IGSF3: variants seen among roughly 807,000 people sequenced by gnomAD.
IGSF3 encodes glu-Trp-Ile EWI motif-containing protein 3.
IGSF3 carries 23 observed loss-of-function variants against 114.4 expected under a neutral mutation model. That is an observed-to-expected ratio of 0.20 (90% CI 0.14 to 0.28). The LOEUF is 0.28. Among genes scored for constraint, IGSF3 ranks in the 10% least tolerant of loss-of-function variants. The pLI, the probability that IGSF3 is intolerant of heterozygous loss-of-function variation, is 1.00. For missense variants in IGSF3, 1,172 were observed against 1,591.5 expected, an observed-to-expected ratio of 0.74 and a Z score of 4.48; for synonymous variants, 571 against 645.2, an observed-to-expected ratio of 0.88 and a Z score of 1.74.
Position 116,629,922 on chromosome 1 carries a change from G to T in IGSF3, c.44-13465C>A, listed in dbSNP as rs1475468018. ...TTCATGAGGCATTAACAGAGACTGT[G>T]AGCCCTGATGAAAATCATCCTTTCA... On this transcript the variant is annotated intron_variant, in intron 2 of 10. Transcript: ENST00000369486. This position sits in a 1 kb window ranked among gnomAD's most constrained non-coding sequence, Gnocchi z 4.3. Among the ~76,000 whole-genome samples, 1 of 152,148 alleles carries T rather than the reference G, an allele frequency of 6.6e-6. No individual in the cohort carries two copies. Among genetic ancestry groups the T allele is most frequent in the African/African-American group, 2.4e-5 (1 of 41,422 alleles).
Position 116,600,469 on chromosome 1 carries a change from T to C in IGSF3, c.1625-124A>G. The C allele has an allele frequency of 5.4e-6, 4 of 744,772 alleles. No individual in the cohort carries two copies. Among genetic ancestry groups the C allele is most frequent in the Non-Finnish European group, 8.7e-6 (4 of 459,622 alleles). The allele number at this position is 744,772 out of a possible 1,614,324, so 46.1% of individuals were successfully genotyped here. The stretch of plus-strand genomic sequence containing the variant: ...GGACAGAGGCTCTCGGAGCCCCTTT[T>C]GAGCTCTCAGGCTAGTGTTGCTTTT... On this transcript the variant is annotated intron_variant, in intron 6 of 10. Coordinates refer to ENST00000369486, the MANE Select transcript of IGSF3 (RefSeq NM_001007237.3). This position sits in a 1 kb window ranked among gnomAD's most constrained non-coding sequence, Gnocchi z 5.5.
At position 116,654,318 on chromosome 1, in the gene IGSF3, G is replaced by A. The variant is rs2101074966; in HGVS notation, c.43+11966C>T. On this transcript the variant is annotated intron_variant, in intron 2 of 10. Transcript: ENST00000369486. The surrounding 1 kb of genome is among the most constrained non-coding windows in gnomAD (Gnocchi z 4.4). ...CACCAGGCAGAATTTACAACCGTCT[G>A]GGACCTGCAGTCTCAGAGGGCTCAC... is the stretch of plus-strand genomic sequence containing the variant. Among the ~76,000 whole-genome samples, 1 of 152,314 alleles carries A rather than the reference G, an allele frequency of 6.6e-6. No individual in the cohort carries two copies. Among genetic ancestry groups the A allele is most frequent in the East Asian group, 1.9e-4 (1 of 5,174 alleles).
Position 116,584,986 on chromosome 1 carries a change from A to G in IGSF3, c.2507T>C (p.Leu836Pro), listed in dbSNP as rs1209577500. 1.9e-6 allele frequency: 3 copies of G among 1,590,802 alleles called. No homozygotes were observed. The highest frequency in any genetic ancestry group is 3.4e-5 in the Admixed American group (2 of 59,148). The change falls in exon 9 of 11, where the codon CTG becomes CCG. Residue 836 changes from leucine to proline, a missense_variant. By Grantham distance (98) the Leu-to-Pro change is moderately conservative. Transcript: ENST00000369486. This position sits in a 1 kb window ranked among gnomAD's most constrained non-coding sequence, Gnocchi z 5.8. ...LSVLETRQVQ[L>P]ECVVLNRTSI... ...GGTGCGGTTGAGAACCACACACTCC[A>G]GCTGTACCTGCCGGGTCTCCAGAAC... is the stretch of plus-strand genomic sequence containing the variant.
chr1:116,614,888 T>C lies in IGSF3; in HGVS notation c.422-713A>G, dbSNP rs1452175381. Reference sequence around the variant, plus strand: ...TGCTTGCACCTTTCTGGAGATTAAATAGCACCACCTTTCTGTCTGATGAGA... The same window carrying C: ...TGCTTGCACCTTTCTGGAGATTAAACAGCACCACCTTTCTGTCTGATGAGA... On this transcript the variant is annotated intron_variant, in intron 3 of 10. Coordinates refer to ENST00000369486, the MANE Select transcript of IGSF3 (RefSeq NM_001007237.3). This position sits in a 1 kb window ranked among gnomAD's most constrained non-coding sequence, Gnocchi z 4.5. Among the ~76,000 whole-genome samples the C allele has an allele frequency of 2.6e-5, 4 of 152,150 alleles. No homozygotes were observed. The highest frequency in any genetic ancestry group is 9.7e-5 in the African/African-American group (4 of 41,432).
intron 2 of IGSF3, among the ~76,000 whole-genome samples, chr1:116,652,705 G>T (rs1286311354): frequency 6.6e-5 from 10 of 152,186 alleles, no homozygotes; most frequent in Admixed American, 6.5e-4. Flanking sequence ...AAAAATTTTA[G>T]ATCCTTATCT....
chr1:116,587,311 T>G (rs1291969475), intron 8 of IGSF3, among the ~76,000 whole-genome samples: 1 of 152,164 alleles, frequency 6.6e-6, no homozygotes, highest in African/African-American at 2.4e-5. Context: ...TATATATGAA[T>G]AAGTAAATTA....
Position 116,585,640 on chromosome 1 carries a change from TG to T in IGSF3, c.2441-589del, listed in dbSNP as rs1659810512. 6.6e-6 allele frequency among the ~76,000 whole-genome samples: 1 copy of T among 152,172 alleles called. No homozygotes were observed. The highest frequency in any genetic ancestry group is 1.5e-5 in the Non-Finnish European group (1 of 68,024). On this transcript the variant is annotated intron_variant, in intron 8 of 10. Coordinates refer to ENST00000369486, the MANE Select transcript of IGSF3 (RefSeq NM_001007237.3). The surrounding 1 kb of genome is among the most constrained non-coding windows in gnomAD (Gnocchi z 4.9). Reference sequence around the variant, plus strand: ...GATATGACATCAGTAAAGAAAAGACTGCCAGACAAGGTGGCTCACGCCTGTA... The same window carrying T: ...GATATGACATCAGTAAAGAAAAGACTCCAGACAAGGTGGCTCACGCCTGTA...
In IGSF3 at chr1:116,665,204, A is replaced by G. The variant is rs1649280382; in HGVS notation, c.43+1080T>C. 6.6e-6 allele frequency among the ~76,000 whole-genome samples: 1 copy of G among 152,060 alleles called. No homozygotes were observed. Among genetic ancestry groups the G allele is most frequent in the Non-Finnish European group, 1.5e-5 (1 of 68,000 alleles). ...TCTAAAGTCCATTCTCTTCCCACAC[A>G]CCTGTTACCTACTGCAAGGGTGTAG... On this transcript the variant is annotated intron_variant, in intron 2 of 10. Transcript: ENST00000369486. The surrounding 1 kb of genome is among the most constrained non-coding windows in gnomAD (Gnocchi z 4.0).
rs958710506 is a variant in IGSF3, at chr1:116,644,347, T to C, written c.43+21937A>G. ...TTAAGGAGAGCCCTGAGCAGCAAGC[T>C]CCAGACGGGAGATGCGCCATATAAC... On this transcript the variant is annotated intron_variant, in intron 2 of 10. Coordinates refer to ENST00000369486, the MANE Select transcript of IGSF3 (RefSeq NM_001007237.3). The surrounding 1 kb of genome is among the most constrained non-coding windows in gnomAD (Gnocchi z 5.6). Among the ~76,000 whole-genome samples the C allele has an allele frequency of 6.6e-6, 1 of 152,156 alleles. No individual in the cohort carries two copies. The highest frequency in any genetic ancestry group is 1.5e-5 in the Non-Finnish European group (1 of 68,040).
At chr1:116,623,094 G>A (rs1457586194) in intron 2 of IGSF3, among the ~76,000 whole-genome samples, 1 of 152,254 alleles carries the variant, frequency 6.6e-6, no homozygotes, top group Admixed American at 6.5e-5. Context: ...AACTTCTGGG[G>A]ATTCTTACCT....
intron 1 of IGSF3, among the ~76,000 whole-genome samples, chr1:116,667,164 T>C (rs1649367213): frequency 1.3e-5 from 2 of 152,138 alleles, no homozygotes; most frequent in Non-Finnish European, 2.9e-5. Context: ...CGATTGTTCC[T>C]GAAATACTTC....
In IGSF3 at chr1:116,651,183, G is replaced by A. The variant is rs914533507; in HGVS notation, c.43+15101C>T. ...GCATGATCTCATGAGCTCTGGTCTG[G>A]AAAAGTAAGTCTCCCTACACTAAGA... On this transcript the variant is annotated intron_variant, in intron 2 of 10. Coordinates refer to ENST00000369486, the MANE Select transcript of IGSF3 (RefSeq NM_001007237.3). This position sits in a 1 kb window ranked among gnomAD's most constrained non-coding sequence, Gnocchi z 4.4. 1.3e-5 allele frequency among the ~76,000 whole-genome samples: 2 copies of A among 152,136 alleles called. No individual in the cohort carries two copies. Among genetic ancestry groups the A allele is most frequent in the African/African-American group, 2.4e-5 (1 of 41,428 alleles).
In IGSF3 at chr1:116,629,298, C is replaced by T. The variant is rs1647450009; in HGVS notation, c.44-12841G>A. ...ATTTTCGTAAAGATAAACACCCACA[C>T]ACCTCTATATATGTGTGGAAAAAGG... On this transcript the variant is annotated intron_variant, in intron 2 of 10. Coordinates refer to ENST00000369486, the MANE Select transcript of IGSF3 (RefSeq NM_001007237.3). This position sits in a 1 kb window ranked among gnomAD's most constrained non-coding sequence, Gnocchi z 4.3. Among the ~76,000 whole-genome samples, 1 of 152,206 alleles carries T rather than the reference C, an allele frequency of 6.6e-6. No homozygotes were observed. Among genetic ancestry groups the T allele is most frequent in the Non-Finnish European group, 1.5e-5 (1 of 68,034 alleles).
At chr1:116,666,226 G>A (rs1270994071) in intron 2 of IGSF3, 58 bp downstream of exon 2, 4 of 1,491,318 alleles carry the variant, frequency 2.7e-6, no homozygotes, top group Non-Finnish European at 3.7e-6. Flanking sequence ...AGAAATTACA[G>A]GAACCAAGAG....
intron 9 of IGSF3, among the ~76,000 whole-genome samples, chr1:116,580,838 A>G (rs1217925368): frequency 6.6e-6 from 1 of 152,236 alleles, no homozygotes; most frequent in African/African-American, 2.4e-5. Context: ...ACAGGAGTGA[A>G]GCAGCCACAA....
At chr1:116,621,058 T>C (rs375157211) in intron 2 of IGSF3, among the ~76,000 whole-genome samples, 3 of 152,212 alleles carry the variant, frequency 2.0e-5, no homozygotes, top group Non-Finnish European at 2.9e-5. Context: ...ATGATTTAGC[T>C]TCACCCTTTT....
chr1:116,584,795 C>T lies in IGSF3; in HGVS notation c.2698G>A (p.Val900Met), dbSNP rs41301291. ...RLHLESPSPGVYRLFIQNVAV... is the reference protein window; with the variant it reads ...RLHLESPSPGMYRLFIQNVAV... ...ACGTTCTGGATGAAGAGACGGTACACGCCGGGGGAAGGACTCTCCAAATGC... is the reference window on the plus strand; with the variant it reads ...ACGTTCTGGATGAAGAGACGGTACATGCCGGGGGAAGGACTCTCCAAATGC... The change falls in exon 9 of 11, where the codon GTG becomes ATG. Residue 900 changes from valine (V) to methionine (M), a missense_variant. Around this residue, in one of 3 missense-constraint regions of IGSF3, gnomAD observed 423 missense variants for 509.8 expected, o/e 0.83. Transcript: ENST00000369486. The surrounding 1 kb of genome is among the most constrained non-coding windows in gnomAD (Gnocchi z 5.8). The T allele has an allele frequency of 0.015, 24,836 of 1,614,228 alleles. 267 individuals are homozygous for T. Among genetic ancestry groups the T allele is most frequent in the Middle Eastern group, 0.05 (304 of 6,050 alleles).
At position 116,632,482 on chromosome 1, in the gene IGSF3, C is replaced by T. The variant is rs1218318415; in HGVS notation, c.44-16025G>A. The stretch of plus-strand genomic sequence containing the variant: ...AACTATGGAACAGCTAACCACACAA[C>T]GCAGCATACTGAATGAGAAGCCTCG... On this transcript the variant is annotated intron_variant, in intron 2 of 10. Coordinates refer to ENST00000369486, the MANE Select transcript of IGSF3 (RefSeq NM_001007237.3). The surrounding 1 kb of genome is among the most constrained non-coding windows in gnomAD (Gnocchi z 5.1). Among the ~76,000 whole-genome samples the T allele has an allele frequency of 1.3e-5, 2 of 152,172 alleles. No individual in the cohort carries two copies. The highest frequency in any genetic ancestry group is 2.9e-5 in the Non-Finnish European group (2 of 68,038).
rs1660241294 is a variant in IGSF3, at chr1:116,594,124, A to T, written c.2030-5020T>A. On this transcript the variant is annotated intron_variant, in intron 7 of 10. Transcript: ENST00000369486. The surrounding 1 kb of genome is among the most constrained non-coding windows in gnomAD (Gnocchi z 5.2). The stretch of plus-strand genomic sequence containing the variant: ...GCAAGAGTTACTCAGGACTTCAGAA[A>T]CCCTGTCAGGATGGCAGTCCTGCTC... Among the ~76,000 whole-genome samples the T allele has an allele frequency of 6.6e-6, 1 of 152,146 alleles. No individual in the cohort carries two copies. Among genetic ancestry groups the T allele is most frequent in the African/African-American group, 2.4e-5 (1 of 41,428 alleles).
Sources: allele counts gnomAD v4.1 joint callset (sites outside exome capture counted in the v4.1 genomes callset), GRCh38; gene constraint gnomAD v4.1.1; regional missense constraint gnomAD v4.1.1; non-coding constraint Gnocchi (gnomAD v3.1); transcripts MANE v1.5; gene names NCBI Gene and HGNC (gene_info 2026-07-23, HGNC 2026-07-21).